The following PPARD variants were observed in gnomAD, a reference collection of about 807,000 sequenced individuals.
PPARD encodes peroxisome proliferator-activated receptor delta.
Under a neutral mutation model 39.5 loss-of-function variants are expected in PPARD, and 6 were observed. The ratio of observed to expected loss-of-function variants is 0.15; its 90% CI spans 0.08 to 0.30. PPARD has a LOEUF of 0.30. Ranked by LOEUF, PPARD falls within the 10% of genes least tolerant of loss-of-function variation. PPARD has a pLI of 1.00. For missense variants in PPARD, 397 were observed against 596.8 expected (o/e 0.67, Z 3.49); for synonymous variants, 210 against 231.3 (o/e 0.91, Z 0.83).
At chr6:35,402,849 G>A (rs1161848119) in intron 2 of PPARD, among the ~76,000 whole-genome samples, 1 of 152,182 alleles carries the variant, frequency 6.6e-6, no homozygotes, top group Non-Finnish European at 1.5e-5. Context: ...GATAAGAAAG[G>A]TTGGGAGAGA....
chr6:35,391,403 T>C (rs1360387466), intron 2 of PPARD, among the ~76,000 whole-genome samples: 1 of 152,246 alleles, frequency 6.6e-6, no homozygotes, highest in African/African-American at 2.4e-5. Context: ...TCTGTTGGAT[T>C]GTTTCCTTGT....
intron 2 of PPARD, among the ~76,000 whole-genome samples, chr6:35,362,398 C>T (rs1338717938): frequency 6.6e-6 from 1 of 151,026 alleles, no homozygotes; most frequent in East Asian, 1.9e-4. Context: ...GTGTCTCTCC[C>T]TGTCCCTGTC....
chr6:35,393,897 A>G (rs1336726955), intron 2 of PPARD, among the ~76,000 whole-genome samples: 1 of 152,086 alleles, frequency 6.6e-6, no homozygotes, highest in Admixed American at 6.6e-5. Flanking sequence ...ACAAGACTAA[A>G]CATTTCTGTG....
chr6:35,398,638 TACTG>T (rs1225638363), intron 2 of PPARD, among the ~76,000 whole-genome samples: 1 of 152,148 alleles, frequency 6.6e-6, no homozygotes, highest in African/African-American at 2.4e-5. Context: ...GGAAGAAAAT[TACTG>T]ACTGAGACCA....
chr6:35,406,727 G>A (rs2150756354), intron 2 of PPARD, among the ~76,000 whole-genome samples: 1 of 152,278 alleles, frequency 6.6e-6, no homozygotes, highest in African/African-American at 2.4e-5. Flanking sequence ...CTGAGTCTAA[G>A]AGGCAACCAC....
chr6:35,382,072 C>T (rs1210405617), intron 2 of PPARD, among the ~76,000 whole-genome samples: 1 of 152,148 alleles, frequency 6.6e-6, no homozygotes, highest in Non-Finnish European at 1.5e-5. Flanking sequence ...GTCATTGTCG[C>T]CATTGTTGTT....
chr6:35,397,007 T>G (rs1207865877), intron 2 of PPARD, among the ~76,000 whole-genome samples: 1 of 152,126 alleles, frequency 6.6e-6, no homozygotes, highest in African/African-American at 2.4e-5. Context: ...CTCCTTGACC[T>G]TGAACCTTCC....
rs1183602412 is a variant in PPARD at position 35,424,287 on chromosome 6, G to C, written c.628-42G>C. On this transcript the variant is annotated intron_variant, in intron 6 of 7. Coordinates refer to ENST00000360694, the MANE Select transcript of PPARD (RefSeq NM_006238.5). The surrounding 1 kb of genome is among the most constrained non-coding windows in gnomAD (Gnocchi z 7.1). The stretch of plus-strand genomic sequence containing the variant: ...AAGGGACATGGGGAGCACAGGGTGG[G>C]GGTCTCCCGAGGCCTGATCTCTAAC... 1.9e-5 allele frequency: 31 copies of C among 1,601,050 alleles called. No individual in the cohort carries two copies. The highest frequency in any genetic ancestry group is 2.6e-5 in the Non-Finnish European group (31 of 1,171,520).
At chr6:35,389,360 G>A (rs1245607946) in intron 2 of PPARD, among the ~76,000 whole-genome samples, 1 of 152,048 alleles carries the variant, frequency 6.6e-6, no homozygotes, top group Admixed American at 6.5e-5. Flanking sequence ...GCCCCAGGCT[G>A]GAGTGCAATA....
chr6:35,420,255 G>A lies in PPARD; in HGVS notation c.259G>A (p.Gly87Ser), dbSNP rs1407008678. 2 of 1,595,044 alleles carry A rather than the reference G, an allele frequency of 1.3e-6. No homozygotes were observed. Among genetic ancestry groups the A allele is most frequent in the South Asian group, 1.1e-5 (1 of 87,406 alleles). Residue 87 changes from glycine to serine, a missense_variant, in exon 4 of 8, where the codon GGT becomes AGT. Physicochemically the swap from Gly to Ser is moderately conservative, Grantham distance 56. Transcript: ENST00000360694. ...CGDKASGFHY[G>S]VHACEGCKGF... ...GGACAAGGCATCGGGCTTCCACTAC[G>A]GTGTTCATGCATGTGAGGGGTGCAA...
intron 2 of PPARD, among the ~76,000 whole-genome samples, chr6:35,370,460 A>G (rs891368940): frequency 6.6e-6 from 1 of 152,230 alleles, no homozygotes; most frequent in Non-Finnish European, 1.5e-5. Context: ...TCACTCTGGA[A>G]GTTCAGTGTC....
chr6:35,404,189 C>T (rs1355825237), intron 2 of PPARD, among the ~76,000 whole-genome samples: 1 of 152,170 alleles, frequency 6.6e-6, no homozygotes, highest in Non-Finnish European at 1.5e-5. Context: ...AAGACTTGAG[C>T]CAACCTGCCT....
intron 2 of PPARD, among the ~76,000 whole-genome samples, chr6:35,373,645 ATTTC>A (rs1028992667): frequency 3.4e-5 from 5 of 147,970 alleles, no homozygotes; most frequent in Admixed American, 2.0e-4. Flanking sequence ...TCTACGGTAC[ATTTC>A]TTTCTTTCTT....
chr6:35,355,143 A>T (rs984643767), intron 2 of PPARD, among the ~76,000 whole-genome samples: 5 of 152,122 alleles, frequency 3.3e-5, no homozygotes, highest in African/African-American at 1.2e-4. Context: ...TCTTCCATTA[A>T]ATAGCTCCTG....
At chr6:35,404,993 G>A (rs1014466550) in intron 2 of PPARD, among the ~76,000 whole-genome samples, 5 of 149,564 alleles carry the variant, frequency 3.3e-5, no homozygotes, top group Non-Finnish European at 6.0e-5. Context: ...GTGTGTGTGT[G>A]TGTGTGTACA....
chr6:35,410,908 C>T, intron 2 of PPARD, 79 bp from the exon 3 acceptor site: 1 of 1,249,162 alleles, frequency 8.0e-7, no homozygotes, highest in Non-Finnish European at 1.0e-6. Context: ...GACAGCAGCC[C>T]CCAAGCGTGC....
rs1761419606 is a variant in PPARD, at chr6:35,354,109, G to A, written c.-102+6959G>A. Among the ~76,000 whole-genome samples the A allele has an allele frequency of 2.6e-5, 4 of 151,574 alleles. No homozygotes were observed. The South Asian group carries it at 8.4e-4, about 32-fold the overall frequency. ...TAGCTGGGCGTGGTGGTGGGCGCCT[G>A]TAGTCCCAGCTACTTGGGAGGCTGA... On this transcript the variant is annotated intron_variant, in intron 2 of 7. Transcript: ENST00000360694.
At chr6:35,343,672 T>G (rs1411415974) in intron 1 of PPARD, among the ~76,000 whole-genome samples, 1 of 152,246 alleles carries the variant, frequency 6.6e-6, no homozygotes, top group Non-Finnish European at 1.5e-5. Context: ...TTATCTCAGC[T>G]TTAATACTTC....
chr6:35,355,595 CTTCTTTTTTTTTTTTTTTTT>C (rs1158868379), intron 2 of PPARD, among the ~76,000 whole-genome samples: 3 of 50,444 alleles, frequency 5.9e-5, no homozygotes, highest in East Asian at 7.7e-4. Context: ...TCTTCTTCTT[CTTCTTTTTTTTTTTTTTTTT>C]TTTTTTTTTT....
Sources: gnomAD v4.1 joint callset for allele counts (sites outside exome capture counted in the v4.1 genomes callset) on GRCh38, gnomAD v4.1.1 for gene constraint, Gnocchi (gnomAD v3.1) non-coding constraint, MANE v1.5 for transcripts, NCBI Gene and HGNC (gene_info 2026-07-23, HGNC 2026-07-21) for gene names.